Variants in SLC25A23 observed in about 807,000 individuals in gnomAD.
SLC25A23 encodes mitochondrial adenyl nucleotide antiporter SLC25A23.
SLC25A23 carries 32 observed loss-of-function variants against 53.9 expected under a neutral mutation model. The ratio of observed to expected loss-of-function variants is 0.59; its 90% CI spans 0.45 to 0.80. SLC25A23 has a LOEUF of 0.80. Among genes scored for constraint, SLC25A23 ranks in the 30% least tolerant of loss-of-function variants. The pLI, the probability that SLC25A23 is intolerant of heterozygous loss-of-function variation, is 0.00. For synonymous variants in SLC25A23, 275 were observed against 264.5 expected (o/e 1.04, Z -0.38); for missense variants, 575 against 651.4 (o/e 0.88, Z 1.28).
chr19:6,455,704 CGTGTTTTTTTTTT>C (rs2092669760), intron 4 of SLC25A23, among the ~76,000 whole-genome samples: 1 of 136,154 alleles, frequency 7.3e-6, no homozygotes, highest in African/African-American at 3.0e-5. Flanking sequence ...CTCTGAAGAC[CGTGTTTTTTTTTT>C]TTTTTTTTTT....
Position 6,459,481 on chromosome 19 carries a change from C to G in SLC25A23, c.148G>C (p.Ala50Pro). Reference sequence around the variant, plus strand: ...CCTGGGGGTGGGGGTACCTGTTGGGCGCCGGGGTCTGGGTTGCCCCCGCCC... The same window carrying G: ...CCTGGGGGTGGGGGTACCTGTTGGGGGCCGGGGTCTGGGTTGCCCCCGCCC... Reference protein sequence around the residue: ...RLGGGNPDPGAQQGISSEGDA... With the variant: ...RLGGGNPDPGPQQGISSEGDA... Residue 50 changes from alanine (A) to proline (P), a missense_variant, in exon 1 of 10, where the codon GCC becomes CCC. Physicochemically the swap from Ala to Pro is conservative, Grantham distance 27. Coordinates refer to ENST00000301454, the MANE Select transcript of SLC25A23 (RefSeq NM_024103.3). The surrounding 1 kb of genome is among the most constrained non-coding windows in gnomAD (Gnocchi z 4.6). 6.3e-7 allele frequency: 1 copy of G among 1,588,956 alleles called. No individual in the cohort carries two copies.
intron 8 of SLC25A23, among the ~76,000 whole-genome samples, chr19:6,450,433 T>C (rs1671355080): frequency 6.6e-6 from 1 of 152,204 alleles, no homozygotes; most frequent in Non-Finnish European, 1.5e-5. Context: ...TGAGAGCTTT[T>C]CTAGGAGCTG....
At chr19:6,442,934 CTTTTTTTTTT>C (rs1024821991) in intron 9 of SLC25A23, among the ~76,000 whole-genome samples, 7 of 113,150 alleles carry the variant, frequency 6.2e-5, no homozygotes, top group African/African-American at 2.4e-4. Flanking sequence ...ATGCCCAGCC[CTTTTTTTTTT>C]TTTTTTTTTT....
In SLC25A23 at chr19:6,454,483, GGGAGACAACAGCTT is replaced by G; in HGVS notation, c.643-22_643-9del. On this transcript the variant is annotated splice_polypyrimidine_tract_variant and intron_variant, in intron 5 of 9. Coordinates refer to ENST00000301454, the MANE Select transcript of SLC25A23 (RefSeq NM_024103.3). This position sits in a 1 kb window ranked among gnomAD's most constrained non-coding sequence, Gnocchi z 4.3. ...GGTCTTTGAGGCATGGACCTGAATG[GGGAGACAACAGCTT>G]GGAGGTCCCCTCCCAGGTGTCAGGC... The G allele has an allele frequency of 6.2e-7, 1 of 1,613,980 alleles. No individual in the cohort carries two copies. Among genetic ancestry groups the G allele is most frequent in the Non-Finnish European group, 8.5e-7 (1 of 1,179,986 alleles).
chr19:6,442,168 G>T lies in SLC25A23; in HGVS notation c.1223-9C>A. On this transcript the variant is annotated splice_polypyrimidine_tract_variant and intron_variant, in intron 9 of 9. Coordinates refer to ENST00000301454, the MANE Select transcript of SLC25A23 (RefSeq NM_024103.3). ...GCCACCCTCGATGGAGGCTGGGAGG[G>T]GGCGGGGGGGGCACCAGGTAAGGCC... The T allele has an allele frequency of 2.8e-6, 4 of 1,449,342 alleles. No individual in the cohort carries two copies. The highest frequency in any genetic ancestry group is 1.3e-5 in the South Asian group (1 of 76,810). The allele number at this position is 1,449,342 out of a possible 1,614,324, so 89.8% of individuals were successfully genotyped here. A position where few individuals can be genotyped will look rare whatever the true frequency, so the allele number is the denominator to read the frequency against.
At chr19:6,455,662 C>T (rs2092668648) in intron 4 of SLC25A23, among the ~76,000 whole-genome samples, 1 of 151,952 alleles carries the variant, frequency 6.6e-6, no homozygotes, top group African/African-American at 2.4e-5. Context: ...GAGCAAACCC[C>T]CACTACCCTC....
chr19:6,457,614 G>A (rs543800683), intron 2 of SLC25A23, 24 bp from the exon 3 acceptor site: 85 of 1,606,296 alleles, frequency 5.3e-5, no homozygotes, highest in Non-Finnish European at 6.6e-5. Context: ...CGGAGGTGGG[G>A]AAGGATGTGC....
chr19:6,449,857 CTTTTTTTTTTT>C (rs142681286), intron 8 of SLC25A23, among the ~76,000 whole-genome samples: 3 of 127,178 alleles, frequency 2.4e-5, no homozygotes, highest in South Asian at 2.3e-4. Flanking sequence ...ACTCACAACT[CTTTTTTTTTTT>C]TTTTTTTTTT....
chr19:6,444,665 A>AATT (rs1223706042), intron 8 of SLC25A23, among the ~76,000 whole-genome samples: 2 of 151,696 alleles, frequency 1.3e-5, no homozygotes, highest in African/African-American at 2.4e-5. Context: ...TTTTTTTAAA[A>AATT]ATTATTATTA....
chr19:6,448,060 G>A (rs1028899696), intron 8 of SLC25A23, among the ~76,000 whole-genome samples: 2 of 152,196 alleles, frequency 1.3e-5, no homozygotes, highest in Non-Finnish European at 2.9e-5. Flanking sequence ...AACATTCACA[G>A]CTGTATGTGA....
Position 6,444,321 on chromosome 19 carries a change from AG to A in SLC25A23, c.1072-21del. ...CAGAGTCTGGAGTGGAGAAGGGAGT[AG>A]GGAGGGTTGGGGTGGGTGACCCTAG... On this transcript the variant is annotated intron_variant, in intron 8 of 9. Transcript: ENST00000301454. 1 of 681,914 alleles carries A rather than the reference AG, an allele frequency of 1.5e-6. No individual in the cohort carries two copies. Among genetic ancestry groups the A allele is most frequent in the Non-Finnish European group, 2.6e-6 (1 of 391,472 alleles). 42.2% of individuals were successfully genotyped at this position (681,914 alleles called of 1,614,324 possible).
intron 1 of SLC25A23, among the ~76,000 whole-genome samples, chr19:6,458,718 C>T (rs12980141): frequency 0.045 from 6,829 of 152,230 alleles, 225 homozygotes; most frequent in Non-Finnish European, 0.071. Context: ...TCTTAAAAAA[C>T]CCTGTCCACA....
chr19:6,437,197 G>T (rs1235188750), downstream of SLC25A23, among the ~76,000 whole-genome samples: 1 of 151,672 alleles, frequency 6.6e-6, no homozygotes, highest in African/African-American at 2.4e-5. Flanking sequence ...TTGTAGAAAT[G>T]GGGTCTCACT....
intron 2 of SLC25A23, among the ~76,000 whole-genome samples, chr19:6,457,928 G>A (rs1004822277): frequency 7.2e-5 from 11 of 152,112 alleles, no homozygotes; most frequent in African/African-American, 1.4e-4. Context: ...GGGGACCCAG[G>A]AACAGCATAG....
rs757635721 is a variant in SLC25A23, at chr19:6,456,487, C to T, written c.416G>A (p.Arg139His). ...CAGCGAATGCAACAGGAAGTGGTCG[C>T]GCCATTCTTGCCAGTCAATGGTCAT... Reference protein sequence around the residue: ...GTMTIDWQEWRDHFLLHSLEN... With the variant: ...GTMTIDWQEWHDHFLLHSLEN... Residue 139 changes from arginine to histidine, a missense_variant, in exon 4 of 10, where the codon CGC (arginine) becomes CAC (histidine). Coordinates refer to ENST00000301454, the MANE Select transcript of SLC25A23 (RefSeq NM_024103.3). 14 of 1,613,630 alleles carry T rather than the reference C, an allele frequency of 8.7e-6. No individual in the cohort carries two copies. Among genetic ancestry groups the T allele is most frequent in the Middle Eastern group, 1.6e-4 (1 of 6,082 alleles).
At chr19:6,451,326 T>C (rs1316838380) in intron 8 of SLC25A23, among the ~76,000 whole-genome samples, 1 of 146,860 alleles carries the variant, frequency 6.8e-6, no homozygotes, top group Non-Finnish European at 1.5e-5. Flanking sequence ...GAGATGTAGG[T>C]TGCAGTGAGC....
downstream of SLC25A23, among the ~76,000 whole-genome samples, chr19:6,437,009 C>T (rs1012808268): frequency 2.6e-5 from 4 of 151,738 alleles, no homozygotes; most frequent in South Asian, 2.1e-4. Flanking sequence ...ACACCATGCC[C>T]GGCTAATTTT....
rs758815574 is a variant in SLC25A23, at chr19:6,442,014, G to A, written c.1368C>T (p.Tyr456=). Residue 456 remains tyrosine, a synonymous_variant, in exon 10 of 10, where the codon TAC becomes TAT. Coordinates refer to ENST00000301454, the MANE Select transcript of SLC25A23 (RefSeq NM_024103.3). ...CCCCCAAGGCCTGCTTCATGTTCTC[G>A]TAGACCACATAGGAGATGCTCACAG... is the stretch of plus-strand genomic sequence containing the variant. ...IPAVSISYVV[Y]ENMKQALGVT... is the part of the protein sequence containing the mutation. The A allele has an allele frequency of 3.2e-5, 52 of 1,613,912 alleles. No individual in the cohort carries two copies. Among genetic ancestry groups the A allele is most frequent in the Middle Eastern group, 3.3e-4 (2 of 6,060 alleles).
intron 9 of SLC25A23, among the ~76,000 whole-genome samples, chr19:6,443,107 T>G (rs1458256376): frequency 6.6e-6 from 1 of 150,606 alleles, no homozygotes; most frequent in Admixed American, 6.6e-5. Context: ...CCCGGCTAAT[T>G]TTTGTATTTT....
Sources: allele counts gnomAD v4.1 joint callset (sites outside exome capture counted in the v4.1 genomes callset), GRCh38; gene constraint gnomAD v4.1.1; non-coding constraint Gnocchi (gnomAD v3.1); transcripts MANE v1.5; gene names NCBI Gene and HGNC (gene_info 2026-07-23, HGNC 2026-07-21).